The following INPP4A variants were observed in gnomAD, a reference collection of about 807,000 sequenced individuals.
The protein encoded by INPP4A is inositol polyphosphate-4-phosphatase, type I, 107kD.
INPP4A carries 33 observed loss-of-function variants against 119.8 expected under a neutral mutation model. The ratio of observed to expected loss-of-function variants is 0.28; its 90% CI spans 0.21 to 0.37. The LOEUF is 0.37. Ranked by LOEUF, INPP4A falls within the 10% of genes least tolerant of loss-of-function variation. The pLI is 1.00. For synonymous variants in INPP4A, 496 were observed against 500.7 expected, an observed-to-expected ratio of 0.99 and a Z score of 0.12; for missense variants, 956 against 1,289.9, an observed-to-expected ratio of 0.74 and a Z score of 3.97.
At chr2:98,544,082 C>T in intron 11 of INPP4A, 75 bp downstream of exon 11, 1 of 1,364,724 alleles carries the variant, frequency 7.3e-7, no homozygotes, top group African/African-American at 1.4e-5. Flanking sequence ...CTCACTCAGT[C>T]ACTCCCTCTG....
At chr2:98,568,284 G>A (rs2106381903) in intron 21 of INPP4A, among the ~76,000 whole-genome samples, 1 of 152,300 alleles carries the variant, frequency 6.6e-6, no homozygotes, top group Admixed American at 6.5e-5. Flanking sequence ...CCAAATGGCT[G>A]TGAGGGGGGA....
In INPP4A at chr2:98,449,321, G is replaced by T. The variant is rs1694833009; in HGVS notation, c.-166+4236G>T. ...TTATTAGTTGGAACTGTACTGAAAGGAAGAAACCTTCCTTTCTCTATTATT... is the reference window on the plus strand; with the variant it reads ...TTATTAGTTGGAACTGTACTGAAAGTAAGAAACCTTCCTTTCTCTATTATT... On this transcript the variant is annotated intron_variant, in intron 1 of 24. Coordinates refer to ENST00000409851, the MANE Select transcript of INPP4A (RefSeq NM_001134225.2). 2.0e-5 allele frequency among the ~76,000 whole-genome samples: 3 copies of T among 152,302 alleles called. 1 individual carries two copies. In the South Asian group the frequency reaches 6.2e-4, roughly 32 times the overall value.
intron 1 of INPP4A, among the ~76,000 whole-genome samples, chr2:98,513,132 A>G (rs940380333): frequency 2.6e-5 from 4 of 152,122 alleles, no homozygotes; most frequent in African/African-American, 9.7e-5. Flanking sequence ...AAGTGGGCAA[A>G]TTAGAATCAA....
intron 24 of INPP4A, among the ~76,000 whole-genome samples, chr2:98,580,335 A>G (rs184445954): frequency 1.1e-4 from 16 of 152,286 alleles, no homozygotes; most frequent in African/African-American, 3.1e-4. Context: ...TGTGCTGTAA[A>G]TGTTCAGCCA....
intron 1 of INPP4A, among the ~76,000 whole-genome samples, chr2:98,492,566 T>A (rs1348976351): frequency 6.6e-6 from 1 of 152,164 alleles, no homozygotes; most frequent in East Asian, 1.9e-4. Flanking sequence ...TAGGAGGAGA[T>A]CTCAAAGGGG....
intron 1 of INPP4A, among the ~76,000 whole-genome samples, chr2:98,463,818 G>T (rs921425135): frequency 6.6e-6 from 1 of 152,182 alleles, no homozygotes; most frequent in African/African-American, 2.4e-5. Flanking sequence ...TGAGCTGTTA[G>T]CCCTAGGGTC....
chr2:98,483,824 G>C (rs1678991691), intron 1 of INPP4A, among the ~76,000 whole-genome samples: 2 of 152,098 alleles, frequency 1.3e-5, no homozygotes, highest in Admixed American at 6.5e-5. Flanking sequence ...TTGCACATTG[G>C]CTGCACCCAA....
At chr2:98,516,977 C>T (rs1686256975) in intron 1 of INPP4A, among the ~76,000 whole-genome samples, 1 of 151,970 alleles carries the variant, frequency 6.6e-6, no homozygotes, top group Non-Finnish European at 1.5e-5. Context: ...CTTGTATACA[C>T]TTTGTATTGG....
chr2:98,584,657 CTTTG>C (rs1403805631), intron 24 of INPP4A, among the ~76,000 whole-genome samples: 1 of 152,254 alleles, frequency 6.6e-6, no homozygotes, highest in Non-Finnish European at 1.5e-5. Flanking sequence ...AGATAAGGTT[CTTTG>C]TTTCTCTCCT....
chr2:98,556,487 G>C (rs1190696515), intron 16 of INPP4A, among the ~76,000 whole-genome samples: 1 of 152,206 alleles, frequency 6.6e-6, no homozygotes, highest in Non-Finnish European at 1.5e-5. Flanking sequence ...CCTGCAGATG[G>C]CCTTAAAGCT....
chr2:98,489,859 A>AC lies in INPP4A; in HGVS notation c.-165-29098dup, dbSNP rs555669906. 8.6e-3 allele frequency among the ~76,000 whole-genome samples: 1,062 copies of AC among 123,260 alleles called. 8 individuals are homozygous for AC. The highest frequency in any genetic ancestry group is 0.015 in the Non-Finnish European group (865 of 57,728). 80.9% of individuals were successfully genotyped at this position (123,260 alleles called of 152,430 possible). A position where few individuals can be genotyped will look rare whatever the true frequency, so the allele number is the denominator to read the frequency against. ...GTGGAATTACACATAGGGTTTATAT[A>AC]CCCCCCCACCCCCCACCCCATGCAG... On this transcript the variant is annotated intron_variant, in intron 1 of 24. Transcript: ENST00000409851.
intron 1 of INPP4A, among the ~76,000 whole-genome samples, chr2:98,474,766 A>G (rs1436648445): frequency 6.6e-6 from 1 of 152,172 alleles, no homozygotes; most frequent in Non-Finnish European, 1.5e-5. Context: ...GTGTTTTTTA[A>G]AAAAATTCTA....
At chr2:98,568,745 C>G in intron 22 of INPP4A, 77 bp downstream of exon 22, 3 of 808,348 alleles carry the variant, frequency 3.7e-6, no homozygotes, top group Admixed American at 2.0e-5. Flanking sequence ...TCTGGCTTGC[C>G]CTGCCTCTGT....
intron 1 of INPP4A, among the ~76,000 whole-genome samples, chr2:98,491,935 G>T (rs1484704119): frequency 6.6e-6 from 1 of 152,032 alleles, no homozygotes; most frequent in Non-Finnish European, 1.5e-5. Context: ...TGTCACCTGG[G>T]CTAGAGTACA....
chr2:98,590,443 C>T lies in INPP4A; in HGVS notation c.*2835C>T, dbSNP rs924520546. The T allele has an allele frequency of 5.3e-6, 1 of 188,668 alleles. No homozygotes were observed. The highest frequency in any genetic ancestry group is 2.3e-5 in the African/African-American group (1 of 42,840). 11.7% of individuals were successfully genotyped at this position (188,668 alleles called of 1,614,324 possible). ...TGACTCTGAGCAAGTTGCTTGACCT[C>T]TCCAAGCCTCCGTTTCCTCATGTGC... is the stretch of plus-strand genomic sequence containing the variant. On this transcript the variant is annotated 3_prime_UTR_variant, in exon 25 of 25. Transcript: ENST00000409851.
chr2:98,587,614 C>A lies in INPP4A; in HGVS notation c.*6C>A. 6.3e-7 allele frequency: 1 copy of A among 1,594,624 alleles called. No individual in the cohort carries two copies. The highest frequency in any genetic ancestry group is 2.3e-5 in the East Asian group (1 of 44,256). ...ACGGAAAAGTTGAAACGTGAACACA[C>A]GGTTTCCTCTAATTAGCTGTTACAT... On this transcript the variant is annotated 3_prime_UTR_variant, in exon 25 of 25. Coordinates refer to ENST00000409851, the MANE Select transcript of INPP4A (RefSeq NM_001134225.2).
chr2:98,535,138 G>A (rs751111958), intron 5 of INPP4A, among the ~76,000 whole-genome samples: 3 of 152,164 alleles, frequency 2.0e-5, no homozygotes, highest in Admixed American at 6.5e-5. Context: ...ATGGTATTAC[G>A]GGGCTTTGGA....
intron 11 of INPP4A, 53 bp downstream of exon 11, chr2:98,544,060 CA>C: frequency 1.3e-6 from 2 of 1,494,476 alleles, no homozygotes; most frequent in South Asian, 1.2e-5. Flanking sequence ...CACACACACA[CA>C]CACTCTCACT....
chr2:98,585,242 T>A (rs1699824892), intron 24 of INPP4A, among the ~76,000 whole-genome samples: 1 of 152,128 alleles, frequency 6.6e-6, no homozygotes, highest in African/African-American at 2.4e-5. Context: ...AGCCATAGAA[T>A]CACTAAGATA....
Sources: allele counts gnomAD v4.1 joint callset (sites outside exome capture counted in the v4.1 genomes callset), GRCh38; gene constraint gnomAD v4.1.1; transcripts MANE v1.5; gene names NCBI Gene and HGNC (gene_info 2026-07-23, HGNC 2026-07-21).